Variants in CCDC57 observed in about 807,000 individuals in gnomAD.
CCDC57 encodes the protein coiled-coil domain-containing protein 57.
A neutral mutation model predicts 118.9 loss-of-function variants in CCDC57; 118 were observed. The ratio of observed to expected loss-of-function variants is 0.99; its 90% CI spans 0.86 to 1.16. The LOEUF is 1.16. CCDC57 is among the 50% of genes most tolerant of loss of function. CCDC57 has a pLI of 0.00. For missense variants in CCDC57, 1,300 were observed against 1,320.7 expected (o/e 0.98, Z 0.24); for synonymous variants, 527 against 532.9 (o/e 0.99, Z 0.15).
In CCDC57 at chr17:82,118,171, T is replaced by A. The variant is rs1404580594; in HGVS notation, c.2899+9521A>T. 2.0e-5 allele frequency among the ~76,000 whole-genome samples: 3 copies of A among 151,998 alleles called. No homozygotes were observed. Among genetic ancestry groups the A allele is most frequent in the Non-Finnish European group, 4.4e-5 (3 of 68,012 alleles). Reference sequence around the variant, plus strand: ...TTGACAAGAAAAGAGGATATACACATATATTTAAAAAACCACTTCTGTTCT... The same window carrying A: ...TTGACAAGAAAAGAGGATATACACAAATATTTAAAAAACCACTTCTGTTCT... On this transcript the variant is annotated intron_variant, in intron 19 of 19. Coordinates refer to ENST00000665763, the Ensembl canonical transcript of CCDC57. The surrounding 1 kb of genome is among the most constrained non-coding windows in gnomAD (Gnocchi z 4.7).
At chr17:82,132,757 TGC>T (rs1435220387) in intron 17 of CCDC57, among the ~76,000 whole-genome samples, 8 of 108,308 alleles carry the variant, frequency 7.4e-5, no homozygotes, top group South Asian at 3.6e-4. Flanking sequence ...GAGACAACCT[TGC>T]TTTTTTTTTT....
At chr17:82,144,861 T>C (rs2040491979) in intron 16 of CCDC57, among the ~76,000 whole-genome samples, 2 of 152,068 alleles carry the variant, frequency 1.3e-5, no homozygotes, top group Non-Finnish European at 2.9e-5. Context: ...CCCGATGCAT[T>C]AAAGACTCAG....
intron 14 of CCDC57, among the ~76,000 whole-genome samples, chr17:82,162,187 T>C (rs4789739): frequency 0.48 from 72,356 of 151,718 alleles, 18,043 homozygotes; most frequent in East Asian, 0.88. Context: ...TTTATAGAGA[T>C]GGGGTTTCAC....
intron 17 of CCDC57, among the ~76,000 whole-genome samples, chr17:82,133,644 T>C (rs1014011877): frequency 1.3e-4 from 20 of 151,886 alleles, no homozygotes; most frequent in Non-Finnish European, 2.8e-4. Context: ...GTGGATCACC[T>C]GAGGTCAGGA....
At chr17:82,136,701 G>A (rs1038464722) in intron 16 of CCDC57, among the ~76,000 whole-genome samples, 1 of 151,056 alleles carries the variant, frequency 6.6e-6, no homozygotes, top group African/African-American at 2.4e-5. Flanking sequence ...GGGCTCAAGC[G>A]ATCCTCCCAC....
chr17:82,201,622 C>A (rs907476305), exon 3 of CCDC57: 5 of 1,613,664 alleles, frequency 3.1e-6, no homozygotes, highest in Non-Finnish European at 4.2e-6. Flanking sequence ...CCTGGCCTCT[C>A]TGGCTAGCGC....
At chr17:82,176,747 T>A (rs2045557737) in intron 11 of CCDC57, among the ~76,000 whole-genome samples, 1 of 152,212 alleles carries the variant, frequency 6.6e-6, no homozygotes. Flanking sequence ...GAGTTTTACT[T>A]GCTTCCAACA....
At chr17:82,124,840 C>A (rs1027975002) in intron 19 of CCDC57, among the ~76,000 whole-genome samples, 1 of 151,824 alleles carries the variant, frequency 6.6e-6, no homozygotes, top group Non-Finnish European at 1.5e-5. Flanking sequence ...AGCCAAGAAA[C>A]GAAAGTGCTC....
chr17:82,184,025 G>GCTCACA, intron 8 of CCDC57, 93 bp from the exon 8 acceptor site: 11 of 387,904 alleles, frequency 2.8e-5, no homozygotes, highest in East Asian at 1.0e-4. Flanking sequence ...ATGCGCGCGC[G>GCTCACA]CGCGCGCACA....
Position 82,175,684 on chromosome 17 carries a change from G to A in CCDC57, c.1506+2790C>T, listed in dbSNP as rs141572548. 17 of 152,318 alleles carry A rather than the reference G, an allele frequency of 1.1e-4. No homozygotes were observed. The East Asian group carries it at 3.3e-3, about 29-fold the overall frequency. 9.4% of individuals were successfully genotyped at this position (152,318 alleles called of 1,614,324 possible). A position where few individuals can be genotyped will look rare whatever the true frequency, so the allele number is the denominator to read the frequency against. Reference sequence around the variant, plus strand: ...TCTCCCTACAATGTGTAAAACCGAGGTGTGCTCTGACCACCTCGGAACACG... The same window carrying A: ...TCTCCCTACAATGTGTAAAACCGAGATGTGCTCTGACCACCTCGGAACACG... On this transcript the variant is annotated intron_variant, in intron 11 of 19. Transcript: ENST00000665763.
exon 8 of CCDC57, chr17:82,188,346 G>T (rs1292763257): frequency 6.2e-7 from 1 of 1,610,294 alleles, no homozygotes; most frequent in Admixed American, 1.7e-5. Flanking sequence ...TCCTGCAGCT[G>T]CTCCACGTGG....
intron 16 of CCDC57, among the ~76,000 whole-genome samples, chr17:82,142,578 C>T (rs1213217642): frequency 6.6e-6 from 1 of 152,120 alleles, no homozygotes; most frequent in Non-Finnish European, 1.5e-5. Flanking sequence ...TCCCAAAGTG[C>T]TGGGATTATA....
chr17:82,200,803 A>C (rs901387704), intron 3 of CCDC57, among the ~76,000 whole-genome samples: 1 of 152,178 alleles, frequency 6.6e-6, no homozygotes, highest in Non-Finnish European at 1.5e-5. Context: ...TCAAAAAAAA[A>C]GAAAAGAAAA....
chr17:82,166,524 C>A (rs1367251126), intron 13 of CCDC57, among the ~76,000 whole-genome samples: 1 of 151,296 alleles, frequency 6.6e-6, no homozygotes, highest in Non-Finnish European at 1.5e-5. Flanking sequence ...CTAAAAAAAA[C>A]AAACAAATAC....
At chr17:82,146,223 A>G (rs548479349) in intron 16 of CCDC57, among the ~76,000 whole-genome samples, 1 of 152,282 alleles carries the variant, frequency 6.6e-6, no homozygotes, top group East Asian at 1.9e-4. Flanking sequence ...TTGAATAATG[A>G]TGATATGTTT....
At chr17:82,109,305 C>T (rs991936672) in intron 19 of CCDC57, among the ~76,000 whole-genome samples, 6 of 152,230 alleles carry the variant, frequency 3.9e-5, no homozygotes, top group African/African-American at 4.8e-5. Context: ...GAGGGGCCTA[C>T]GAGGCGGCTG....
chr17:82,180,045 C>A (rs77445249), intron 9 of CCDC57, among the ~76,000 whole-genome samples: 1 of 152,136 alleles, frequency 6.6e-6, no homozygotes, highest in Admixed American at 6.5e-5. Context: ...CATGGCTCTG[C>A]GTGAGACTGG....
intron 2 of CCDC57, among the ~76,000 whole-genome samples, chr17:82,206,040 C>A (rs1404648874): frequency 6.8e-6 from 1 of 147,246 alleles, no homozygotes; most frequent in South Asian, 2.2e-4. Context: ...CAGCAGGCGT[C>A]CCCAGCAAGC....
intron 15 of CCDC57, chr17:82,157,467 G>T: frequency 7.2e-7 from 1 of 1,393,752 alleles, no homozygotes; most frequent in African/African-American, 1.4e-5. Flanking sequence ...AACACAAGAT[G>T]CTGTTAGCTG....
Sources: allele counts gnomAD v4.1 joint callset (sites outside exome capture counted in the v4.1 genomes callset), GRCh38; gene constraint gnomAD v4.1.1; non-coding constraint Gnocchi (gnomAD v3.1); transcripts MANE v1.5; gene names NCBI Gene and HGNC (gene_info 2026-07-23, HGNC 2026-07-21).